The following TIMD4 variants were observed in gnomAD, a reference collection of about 807,000 sequenced individuals.
The protein encoded by TIMD4 is T-cell immunoglobulin and mucin domain-containing protein 4.
TIMD4 carries 31 observed loss-of-function variants against 41.2 expected under a neutral mutation model. The ratio of observed to expected loss-of-function variants is 0.75; its 90% confidence interval spans 0.57 to 1.01. The LOEUF is 1.01. TIMD4 is among the 50% of genes least tolerant of loss of function. The pLI is 0.00. For synonymous variants in TIMD4, 204 were observed against 177.1 expected, an observed-to-expected ratio of 1.15 and a Z score of -1.21; for missense variants, 479 against 472.5, an observed-to-expected ratio of 1.01 and a Z score of -0.13.
rs754265826 is a variant in TIMD4 at position 156,954,471 on chromosome 5, T to A, written c.344A>T (p.Glu115Val). The A allele has an allele frequency of 3.7e-6, 6 of 1,614,228 alleles. No homozygotes were observed. The East Asian group carries it at 1.3e-4, about 36-fold the overall frequency. The stretch of plus-strand genomic sequence containing the variant: ...TACATCGTTGAACCAGCCAGGCACT[T>A]CTATGCGGCAGCAGTACACACCGCT... The part of the protein sequence containing the change: ...SDSGVYCCRI[E>V]VPGWFNDVKI... Residue 115 changes from glutamate to valine, a missense_variant, in exon 2 of 9, where the codon GAA (glutamate) becomes GTA (valine). Coordinates refer to ENST00000274532, the MANE Select transcript of TIMD4 (RefSeq NM_138379.3).
intron 1 of TIMD4, among the ~76,000 whole-genome samples, chr5:156,959,344 TACTC>T (rs1439098751): frequency 6.6e-6 from 1 of 152,132 alleles, no homozygotes; most frequent in Non-Finnish European, 1.5e-5. Flanking sequence ...AAGGGGATAA[TACTC>T]ACCTCAGAAA....
At chr5:156,929,398 A>G (rs890876500) in intron 5 of TIMD4, among the ~76,000 whole-genome samples, 15 of 152,356 alleles carry the variant, frequency 9.8e-5, no homozygotes, top group Non-Finnish European at 2.1e-4. Flanking sequence ...ACATCCACCC[A>G]GAACCTCAGA....
intron 1 of TIMD4, 148 bp from the exon 2 acceptor site, chr5:156,954,904 G>A (rs1581633827): frequency 2.8e-6 from 2 of 723,480 alleles, no homozygotes; most frequent in Non-Finnish European, 4.4e-6. Flanking sequence ...TTGATACAGG[G>A]TCTTGCTTTG....
rs980511165 is a variant in TIMD4, at chr5:156,954,705, G to A, written c.110C>T (p.Thr37Ile). Residue 37 changes from threonine to isoleucine, a missense_variant, in exon 2 of 9, where the codon ACT (threonine) becomes ATT (isoleucine). Physicochemically the swap from Thr to Ile is moderately conservative, Grantham distance 89. Coordinates refer to ENST00000274532, the MANE Select transcript of TIMD4 (RefSeq NM_138379.3). ...VVTEVLGHRV[T>I]LPCLYSSWSH... ...CCAGGATGAGTACAGACAGGGCAAAGTCACCCGGTGACCCAAAACCTCCGT... is the reference window on the plus strand; with the variant it reads ...CCAGGATGAGTACAGACAGGGCAAAATCACCCGGTGACCCAAAACCTCCGT... The A allele has an allele frequency of 6.2e-7, 1 of 1,613,872 alleles. No individual in the cohort carries two copies. Among genetic ancestry groups the A allele is most frequent in the Non-Finnish European group, 8.5e-7 (1 of 1,179,906 alleles).
At position 156,919,362 on chromosome 5, in the gene TIMD4, G is replaced by T; in HGVS notation, c.*95C>A. The stretch of plus-strand genomic sequence containing the variant: ...TGGATCAATGACATCCATGGAATAA[G>T]TGAGTCTTTTTTATGAAACAAGGAA... On this transcript the variant is annotated 3_prime_UTR_variant, in exon 9 of 9. Transcript: ENST00000274532. 1 of 1,160,224 alleles carries T rather than the reference G, an allele frequency of 8.6e-7. No homozygotes were observed. The highest frequency in any genetic ancestry group is 1.3e-6 in the Non-Finnish European group (1 of 783,716). 71.9% of individuals were successfully genotyped at this position (1,160,224 alleles called of 1,614,324 possible). A position where few individuals can be genotyped will look rare whatever the true frequency, so the allele number is the denominator to read the frequency against.
rs368702812 is a variant in TIMD4 at position 156,926,246 on chromosome 5, C to T, written c.894+17G>A. The T allele has an allele frequency of 3.1e-4, 497 of 1,612,486 alleles. 4 individuals are homozygous for T. In the Middle Eastern group the frequency reaches 4.1e-3, roughly 13 times the overall value. On this transcript the variant is annotated intron_variant, in intron 6 of 8. Coordinates refer to ENST00000274532, the MANE Select transcript of TIMD4 (RefSeq NM_138379.3). ...CTATTTAAGTGATATACTGCAAATACTTCACAGATTTTTTACCTGTCCTGT... is the reference window on the plus strand; with the variant it reads ...CTATTTAAGTGATATACTGCAAATATTTCACAGATTTTTTACCTGTCCTGT...
rs530674148 is a variant in TIMD4, at chr5:156,932,342, G to A, written c.845-6030C>T. Among the ~76,000 whole-genome samples the A allele has an allele frequency of 1.8e-4, 28 of 152,266 alleles. 1 individual carries two copies. The South Asian group carries it at 5.2e-3, about 28-fold the overall frequency. ...GTGTTTATCATTTCCCTGAAGCAGC[G>A]TCAAAGCGACCTTCTATGTGAAACT... On this transcript the variant is annotated intron_variant, in intron 5 of 8. Transcript: ENST00000274532.
At position 156,932,287 on chromosome 5, in the gene TIMD4, C is replaced by T. The variant is rs577977283; in HGVS notation, c.845-5975G>A. 4.7e-4 allele frequency among the ~76,000 whole-genome samples: 71 copies of T among 152,304 alleles called. 1 individual carries two copies. Among genetic ancestry groups the T allele is most frequent in the South Asian group, 4.6e-3 (22 of 4,824 alleles). ...CATGTGTTCATCACTGGAAACTCCA[C>T]GATGCTTGAGGCAAGAGCAAACTCT... On this transcript the variant is annotated intron_variant, in intron 5 of 8. Coordinates refer to ENST00000274532, the MANE Select transcript of TIMD4 (RefSeq NM_138379.3).
intron 5 of TIMD4, among the ~76,000 whole-genome samples, chr5:156,937,334 A>G (rs548711740): frequency 2.6e-5 from 4 of 152,330 alleles, no homozygotes; most frequent in African/African-American, 9.6e-5. Flanking sequence ...AGATCTTACC[A>G]AAGGGCGTTT....
At chr5:156,954,391 G>C (rs1759922947) in intron 2 of TIMD4, 24 bp downstream of exon 2, 13 of 1,597,100 alleles carry the variant, frequency 8.1e-6, no homozygotes, top group Non-Finnish European at 1.1e-5. Context: ...CCTTCCGCAG[G>C]CATGAGGCCC....
At chr5:156,954,065 T>A (rs1752861338) in intron 2 of TIMD4, among the ~76,000 whole-genome samples, 1 of 152,226 alleles carries the variant, frequency 6.6e-6, no homozygotes, top group Non-Finnish European at 1.5e-5. Context: ...AGTTTTTTTA[T>A]TATTTTGAAA....
At chr5:156,945,917 A>G (rs1310796339) in intron 5 of TIMD4, among the ~76,000 whole-genome samples, 1 of 152,168 alleles carries the variant, frequency 6.6e-6, no homozygotes, top group African/African-American at 2.4e-5. Context: ...CTTGACACAG[A>G]CCTAGAACAT....
rs146762720 is a variant in TIMD4 at position 156,954,538 on chromosome 5, C to T, written c.277G>A (p.Gly93Ser). The T allele has an allele frequency of 1.5e-5, 25 of 1,614,252 alleles. No homozygotes were observed. The African/African-American group carries it at 3.2e-4, about 21-fold the overall frequency. ...TTTAAGATGGTCAAGGAGACATCAC[C>T]TCTCGGGATAGTCCCCTGAAGTCTA... ...KYRLQGTIPR[G>S]DVSLTILNPS... Residue 93 changes from glycine (G) to serine (S), a missense_variant, in exon 2 of 9, where the codon GGT (glycine) becomes AGT (serine). Transcript: ENST00000274532.
chr5:156,935,395 G>T (rs1221955862), intron 5 of TIMD4: 1 of 152,088 alleles, frequency 6.6e-6, no homozygotes, highest in Non-Finnish European at 1.5e-5. Context: ...TATTGAATTC[G>T]CATGCTTGCT....
chr5:156,941,984 A>G (rs917696669), intron 5 of TIMD4, among the ~76,000 whole-genome samples: 2 of 152,186 alleles, frequency 1.3e-5, no homozygotes, highest in African/African-American at 4.8e-5. Context: ...AATAGAAAAA[A>G]ATGTTTCTAA....
At chr5:156,948,886 C>A (rs1376570017) in intron 4 of TIMD4, among the ~76,000 whole-genome samples, 1 of 152,238 alleles carries the variant, frequency 6.6e-6, no homozygotes, top group Admixed American at 6.5e-5. Context: ...ACTTACCTTA[C>A]AGATGTCTGT....
At chr5:156,920,401 T>C in intron 8 of TIMD4, 63 bp downstream of exon 8, 2 of 1,533,282 alleles carry the variant, frequency 1.3e-6, no homozygotes, top group Non-Finnish European at 1.8e-6. Flanking sequence ...CACTGAGTAG[T>C]AGCTAATCAT....
chr5:156,935,116 G>T (rs1216570544), intron 5 of TIMD4, among the ~76,000 whole-genome samples: 1 of 151,762 alleles, frequency 6.6e-6, no homozygotes, highest in East Asian at 1.9e-4. Flanking sequence ...AAGAGCAAAA[G>T]AATCCAAAAA....
chr5:156,926,167 G>T (rs1040620837), intron 6 of TIMD4, 96 bp downstream of exon 6: 24 of 1,321,642 alleles, frequency 1.8e-5, no homozygotes, highest in Non-Finnish European at 2.1e-5. Context: ...GCCTCCCAAA[G>T]TGCTGGGATT....
Sources: gnomAD v4.1 joint callset for allele counts (sites outside exome capture counted in the v4.1 genomes callset) on GRCh38, gnomAD v4.1.1 for gene constraint, MANE v1.5 for transcripts, NCBI Gene and HGNC (gene_info 2026-07-23, HGNC 2026-07-21) for gene names.